The following ELF1 variants were observed in gnomAD, a reference collection of about 807,000 sequenced individuals.
The protein encoded by ELF1 is ETS-related transcription factor Elf-1.
In ELF1, 24 loss-of-function variants were observed where a neutral mutation model predicts 59.9. The observed-to-expected ratio is 0.40, with a 90% CI of 0.29 to 0.56. The LOEUF (loss-of-function observed/expected upper bound fraction) is 0.56. Among genes scored for constraint, ELF1 ranks in the 20% least tolerant of loss-of-function variants. The pLI is 0.44. For synonymous variants in ELF1, 248 were observed against 266.2 expected (o/e 0.93, Z 0.67); for missense variants, 627 against 742.2 (o/e 0.84, Z 1.80).
At chr13:41,054,055 G>C (rs1218633852) in intron 1 of ELF1, among the ~76,000 whole-genome samples, 5 of 151,848 alleles carry the variant, frequency 3.3e-5, no homozygotes, top group Non-Finnish European at 1.5e-5. Context: ...TATAAAATGG[G>C]ATGAAAAAAA....
chr13:40,985,962 G>A (rs1451360233), intron 1 of ELF1, among the ~76,000 whole-genome samples: 2 of 151,932 alleles, frequency 1.3e-5, no homozygotes, highest in South Asian at 2.1e-4. Context: ...AGACATAAGC[G>A]GTCAACTTAT....
rs980219651 is a variant in ELF1 at position 41,015,722 on chromosome 13, C to A, written c.-229+3506G>T. ...TAAAGGTAATACTATCATAGTATTA[C>A]CTACAACATGCAGACACCAGTCAGA... On this transcript the variant is annotated intron_variant, in intron 1 of 8. Transcript: ENST00000239882. Among the ~76,000 whole-genome samples, 24 of 152,058 alleles carry A rather than the reference C, an allele frequency of 1.6e-4. 1 individual carries two copies. Among genetic ancestry groups the A allele is most frequent in the Non-Finnish European group, 2.9e-5 (2 of 67,982 alleles).
chr13:40,988,811 T>C (rs1479728056), intron 1 of ELF1, among the ~76,000 whole-genome samples: 1 of 152,234 alleles, frequency 6.6e-6, no homozygotes, highest in Non-Finnish European at 1.5e-5. Flanking sequence ...GTTCTTTTTT[T>C]TCTTTTTGAG....
intron 1 of ELF1, among the ~76,000 whole-genome samples, chr13:41,015,740 C>T (rs1382552674): frequency 6.6e-6 from 1 of 152,072 alleles, no homozygotes; most frequent in Non-Finnish European, 1.5e-5. Flanking sequence ...ATGCAGACAC[C>T]AGTCAGAGAT....
intron 5 of ELF1, among the ~76,000 whole-genome samples, chr13:40,945,435 A>T (rs973696710): frequency 2.6e-5 from 4 of 152,160 alleles, no homozygotes; most frequent in Non-Finnish European, 2.9e-5. Context: ...CTAAACTGCC[A>T]ATCTAAAAAA....
rs756507081 is a variant in ELF1, at chr13:40,941,088, T to C, written c.1089A>G (p.Gln363=). Residue 363 remains glutamine (Q), a synonymous_variant, in exon 8 of 9, where the codon CAA becomes CAG. Transcript: ENST00000239882. ...GCACTGTCCTCAAAACTTCTGATGG[T>C]TGTGCAACTTCCACAGGATCTTTGG... ...AKPKDPVEVA[Q]PSEVLRTVQP... is the part of the protein sequence containing the mutation. 5.0e-6 allele frequency: 8 copies of C among 1,614,192 alleles called. No individual in the cohort carries two copies. The highest frequency in any genetic ancestry group is 6.8e-6 in the Non-Finnish European group (8 of 1,180,022).
At chr13:40,974,960 T>TA (rs1168569000) in intron 2 of ELF1, among the ~76,000 whole-genome samples, 1 of 152,220 alleles carries the variant, frequency 6.6e-6, no homozygotes, top group East Asian at 1.9e-4. Context: ...ACTCCTTTGA[T>TA]AAAGACTTTT....
chr13:40,958,253 T>C (rs1244620237), intron 3 of ELF1, among the ~76,000 whole-genome samples: 1 of 152,178 alleles, frequency 6.6e-6, no homozygotes, highest in African/African-American at 2.4e-5. Flanking sequence ...AGAAAAGAAA[T>C]CTATAAATCC....
rs796624655 is a variant in ELF1 at position 40,969,881 on chromosome 13, T to TG, written c.73-10866_73-10865insC. Among the ~76,000 whole-genome samples, 1,044 of 151,070 alleles carry TG rather than the reference T, an allele frequency of 6.9e-3. 16 individuals are homozygous for TG. The highest frequency in any genetic ancestry group is 0.024 in the African/African-American group (995 of 41,060). The stretch of plus-strand genomic sequence containing the variant: ...GCCACATCATGCTAATTTTTAAATT[T>TG]TTTGTAGAGATAGAGTCTTACTATG... On this transcript the variant is annotated intron_variant, in intron 2 of 8. Transcript: ENST00000239882.
At chr13:41,037,697 G>A (rs1278244986) in intron 1 of ELF1, among the ~76,000 whole-genome samples, 1 of 151,976 alleles carries the variant, frequency 6.6e-6, no homozygotes, top group Non-Finnish European at 1.5e-5. Context: ...TAGGGAGGCT[G>A]AGGCAGGAGA....
At chr13:41,043,736 G>A (rs1876721617) in intron 1 of ELF1, among the ~76,000 whole-genome samples, 1 of 152,212 alleles carries the variant, frequency 6.6e-6, no homozygotes, top group Non-Finnish European at 1.5e-5. Context: ...CAGGTAGCGT[G>A]ATGCCTCCAG....
chr13:41,058,923 A>C (rs751697105), intron 1 of ELF1, among the ~76,000 whole-genome samples: 19 of 152,376 alleles, frequency 1.2e-4, no homozygotes, highest in Middle Eastern at 6.8e-3. Context: ...CAGTGAGCTG[A>C]GATCGCGCCA....
chr13:41,027,394 A>G (rs186602526), intron 1 of ELF1, among the ~76,000 whole-genome samples: 3 of 152,312 alleles, frequency 2.0e-5, no homozygotes, highest in African/African-American at 7.2e-5. Flanking sequence ...GTCATTGCCC[A>G]GGGGGCTCAT....
intron 1 of ELF1, among the ~76,000 whole-genome samples, chr13:40,990,747 C>T (rs1158143524): frequency 2.1e-5 from 3 of 146,190 alleles, no homozygotes; most frequent in East Asian, 4.1e-4. Context: ...CCCAGCTACT[C>T]GGGAGGCTGG....
At chr13:40,944,845 G>C (rs1232607565) in intron 5 of ELF1, among the ~76,000 whole-genome samples, 2 of 151,892 alleles carry the variant, frequency 1.3e-5, no homozygotes, top group African/African-American at 4.8e-5. Flanking sequence ...ACACAGGGCA[G>C]GGCAATAACT....
At chr13:40,985,267 A>G (rs1457508001) in intron 1 of ELF1, among the ~76,000 whole-genome samples, 1 of 152,156 alleles carries the variant, frequency 6.6e-6, no homozygotes, top group Non-Finnish European at 1.5e-5. Flanking sequence ...ATCCAGAGGG[A>G]GCACCTGTAG....
chr13:41,029,584 G>A (rs1228133529), intron 1 of ELF1, among the ~76,000 whole-genome samples: 2 of 151,936 alleles, frequency 1.3e-5, no homozygotes, highest in Non-Finnish European at 2.9e-5. Context: ...GTTTTGCCAT[G>A]TTGCCCAGGC....
At chr13:41,057,369 G>C (rs1238403445) in intron 1 of ELF1, among the ~76,000 whole-genome samples, 1 of 151,310 alleles carries the variant, frequency 6.6e-6, no homozygotes, top group African/African-American at 2.4e-5. Context: ...TTGTTATGTT[G>C]TCCAGGCTCT....
intron 1 of ELF1, among the ~76,000 whole-genome samples, chr13:41,041,628 T>C (rs896011864): frequency 2.0e-5 from 3 of 152,098 alleles, no homozygotes; most frequent in African/African-American, 2.4e-5. Flanking sequence ...TGAGCCATTA[T>C]TGCGCCACTG....
Sources: allele counts gnomAD v4.1 joint callset (sites outside exome capture counted in the v4.1 genomes callset), GRCh38; gene constraint gnomAD v4.1.1; transcripts MANE v1.5; gene names NCBI Gene and HGNC (gene_info 2026-07-23, HGNC 2026-07-21).